The following FAM135B variants were observed in gnomAD, a reference collection of about 807,000 sequenced individuals.
The protein encoded by FAM135B is protein FAM135B.
In FAM135B, 43 loss-of-function variants were observed where a neutral mutation model predicts 127.7. The observed-to-expected ratio is 0.34, with a 90% CI of 0.26 to 0.43. FAM135B has a LOEUF of 0.43. FAM135B is among the 20% of genes least tolerant of loss of function. FAM135B has a pLI of 1.00. For synonymous variants in FAM135B, 670 were observed against 665.1 expected (o/e 1.01, Z -0.11); for missense variants, 1,558 against 1,725.6 (o/e 0.90, Z 1.72).
intron 1 of FAM135B, among the ~76,000 whole-genome samples, chr8:138,487,140 G>A (rs1029784734): frequency 2.6e-5 from 4 of 152,056 alleles, no homozygotes; most frequent in African/African-American, 9.7e-5. Context: ...CACTCTAAAG[G>A]TTGCGATTTT....
intron 1 of FAM135B, among the ~76,000 whole-genome samples, chr8:138,464,245 G>A (rs140837419): frequency 0.016 from 2,413 of 152,200 alleles, 26 homozygotes; most frequent in Non-Finnish European, 0.022. Flanking sequence ...ATGGATACAC[G>A]GCTTGGACCT....
At chr8:138,373,440 C>T (rs949576503) in intron 1 of FAM135B, among the ~76,000 whole-genome samples, 1 of 149,946 alleles carries the variant, frequency 6.7e-6, no homozygotes, top group Non-Finnish European at 1.5e-5. Flanking sequence ...TCTCGTAAGC[C>T]GAGGAGGATG....
intron 7 of FAM135B, among the ~76,000 whole-genome samples, chr8:138,236,939 A>C (rs72723650): frequency 6.6e-6 from 1 of 152,264 alleles, no homozygotes; most frequent in Non-Finnish European, 1.5e-5. Flanking sequence ...CTGATAGATA[A>C]ATAAATGAGC....
At chr8:138,197,784 G>T in intron 7 of FAM135B, 115 bp from the exon 8 acceptor site, 1 of 1,189,514 alleles carries the variant, frequency 8.4e-7, no homozygotes, top group Non-Finnish European at 1.2e-6. Context: ...GGAGGTTCAG[G>T]GAAGGAAGCA....
chr8:138,249,556 T>A lies in FAM135B; in HGVS notation c.542+1285A>T, dbSNP rs145977860. Among the ~76,000 whole-genome samples the A allele has an allele frequency of 1.6e-3, 245 of 152,216 alleles. 8 individuals are homozygous for A. In the East Asian group the frequency reaches 0.045, roughly 28 times the overall value. On this transcript the variant is annotated intron_variant, in intron 6 of 19. Transcript: ENST00000395297. ...AAATACCCATTGAATGAAAGAATAA[T>A]GGAGCCAGGAAAGGAACCCAGCAGA...
chr8:138,206,923 CCCTACCCACAACTCCAGCATCCCCTCCA>C (rs1817734108), intron 7 of FAM135B, among the ~76,000 whole-genome samples: 5 of 54,722 alleles, frequency 9.1e-5, no homozygotes, highest in South Asian at 1.3e-3. Context: ...CATCCCCTCC[CCCTACCCACAACTCCAGCATCCCCTCCA>C]CCTACCCACA....
intron 2 of FAM135B, among the ~76,000 whole-genome samples, chr8:138,366,388 G>C (rs1211573926): frequency 1.3e-5 from 2 of 152,204 alleles, no homozygotes; most frequent in Non-Finnish European, 2.9e-5. Flanking sequence ...CCTGGACTCA[G>C]GAGTACTGGC....
intron 12 of FAM135B, among the ~76,000 whole-genome samples, chr8:138,155,537 T>C (rs1818644376): frequency 6.6e-6 from 1 of 152,108 alleles, no homozygotes; most frequent in South Asian, 2.1e-4. Context: ...CAGTGTGCTG[T>C]ATTCAGGAGA....
intron 2 of FAM135B, among the ~76,000 whole-genome samples, chr8:138,316,104 T>C (rs1262576344): frequency 5.3e-5 from 8 of 152,238 alleles, no homozygotes; most frequent in East Asian, 1.9e-4. Flanking sequence ...ATAATGATCA[T>C]TTCACTGTAT....
chr8:138,371,775 C>G (rs1223097891), intron 1 of FAM135B, among the ~76,000 whole-genome samples: 1 of 152,214 alleles, frequency 6.6e-6, no homozygotes, highest in African/African-American at 2.4e-5. Context: ...TGCACACACA[C>G]CACAGACATC....
At chr8:138,484,001 T>C (rs1354693524) in intron 1 of FAM135B, among the ~76,000 whole-genome samples, 3 of 152,188 alleles carry the variant, frequency 2.0e-5, no homozygotes, top group African/African-American at 7.2e-5. Context: ...AATGCTCCTT[T>C]TTTCCAGTTT....
At chr8:138,333,922 T>C (rs1828363330) in intron 2 of FAM135B, among the ~76,000 whole-genome samples, 1 of 152,100 alleles carries the variant, frequency 6.6e-6, no homozygotes, top group African/African-American at 2.4e-5. Flanking sequence ...ATGTCTCTTT[T>C]ATTTGAGGGG....
chr8:138,256,069 T>G (rs1455189589), intron 5 of FAM135B, among the ~76,000 whole-genome samples: 5 of 152,142 alleles, frequency 3.3e-5, no homozygotes, highest in African/African-American at 1.2e-4. Flanking sequence ...GGTATTATAC[T>G]TCACTGGACT....
chr8:138,181,044 T>C (rs1033740630), intron 9 of FAM135B, among the ~76,000 whole-genome samples: 1 of 151,058 alleles, frequency 6.6e-6, no homozygotes, highest in East Asian at 2.0e-4. Flanking sequence ...AACGAGACCA[T>C]CCTGGCCGAC....
intron 2 of FAM135B, among the ~76,000 whole-genome samples, chr8:138,362,131 C>T (rs560985960): frequency 6.6e-6 from 1 of 151,082 alleles, no homozygotes; most frequent in African/African-American, 2.4e-5. Flanking sequence ...ATAAACAATC[C>T]AATCACCCTC....
At chr8:138,443,223 T>C (rs1347235699) in intron 1 of FAM135B, among the ~76,000 whole-genome samples, 5 of 152,144 alleles carry the variant, frequency 3.3e-5, no homozygotes, top group Admixed American at 2.0e-4. Flanking sequence ...CCAAATAAAA[T>C]AGGAAATTAA....
chr8:138,142,285 C>CTTTTTTTTTTTTTTT lies in FAM135B; in HGVS notation c.3638+726_3638+727insAAAAAAAAAAAAAAA, dbSNP rs1166235927. Among the ~76,000 whole-genome samples the CTTTTTTTTTTTTTTT allele has an allele frequency of 5.0e-5, 5 of 99,934 alleles. 1 individual carries two copies. Among genetic ancestry groups the CTTTTTTTTTTTTTTT allele is most frequent in the Non-Finnish European group, 6.0e-5 (3 of 50,298 alleles). 65.6% of individuals were successfully genotyped at this position (99,934 alleles called of 152,430 possible). ...TTGGGGTGGGCAACTCATTCTGCTT[C>CTTTTTTTTTTTTTTT]TTCTTTTTTTTTTTTTTTTTTTTTT... On this transcript the variant is annotated intron_variant, in intron 16 of 19. Transcript: ENST00000395297.
At chr8:138,282,799 T>G (rs1207413191) in intron 3 of FAM135B, among the ~76,000 whole-genome samples, 1 of 152,180 alleles carries the variant, frequency 6.6e-6, no homozygotes, top group African/African-American at 2.4e-5. Context: ...ATGCAACATC[T>G]TACCATGTGA....
At chr8:138,295,914 T>C (rs533857937) in intron 3 of FAM135B, among the ~76,000 whole-genome samples, 54 of 152,302 alleles carry the variant, frequency 3.5e-4, no homozygotes, top group African/African-American at 1.3e-3. Flanking sequence ...AAAGCACATT[T>C]GTCAGGTGTC....
Sources: gnomAD v4.1 joint callset for allele counts (sites outside exome capture counted in the v4.1 genomes callset) on GRCh38, gnomAD v4.1.1 for gene constraint, MANE v1.5 for transcripts, NCBI Gene and HGNC (gene_info 2026-07-23, HGNC 2026-07-21) for gene names.